Variants in TNIK observed in about 807,000 individuals in gnomAD.
TNIK encodes TRAF2 and NCK-interacting protein kinase.
A neutral mutation model predicts 191.3 loss-of-function variants in TNIK; 49 were observed. That is an observed-to-expected ratio of 0.26 (90% CI 0.20 to 0.32). The LOEUF (loss-of-function observed/expected upper bound fraction) is 0.32. Ranked by LOEUF, TNIK falls within the 10% of genes least tolerant of loss-of-function variation. TNIK has a pLI of 1.00. For missense variants in TNIK, 1,155 were observed against 1,702.3 expected (o/e 0.68, Z 5.66); for synonymous variants, 594 against 600.9 (o/e 0.99, Z 0.17).
intron 2 of TNIK, among the ~76,000 whole-genome samples, chr3:171,303,789 C>G (rs1753128177): frequency 1.3e-5 from 2 of 152,124 alleles, no homozygotes; most frequent in Non-Finnish European, 2.9e-5. Flanking sequence ...ATACATAGCC[C>G]CCTGACTCCA....
At chr3:171,384,919 C>T (rs1482831777) in intron 1 of TNIK, among the ~76,000 whole-genome samples, 1 of 152,172 alleles carries the variant, frequency 6.6e-6, no homozygotes, top group Non-Finnish European at 1.5e-5. Context: ...AGGCAGCCTG[C>T]TTGCCTCTCA....
At chr3:171,206,617 C>T (rs1441112951) in intron 4 of TNIK, among the ~76,000 whole-genome samples, 1 of 152,058 alleles carries the variant, frequency 6.6e-6, no homozygotes, top group Non-Finnish European at 1.5e-5. Context: ...GGGGCTTTCA[C>T]AGAACTTCCA....
At chr3:171,064,067 G>C in intron 32 of TNIK, 103 bp from the exon 33 acceptor site, 1 of 1,103,542 alleles carries the variant, frequency 9.1e-7, no homozygotes, top group Non-Finnish European at 1.3e-6. Flanking sequence ...CTTGCCATGT[G>C]TCAGGTCTTA....
intron 1 of TNIK, among the ~76,000 whole-genome samples, chr3:171,370,671 T>C: frequency 6.6e-6 from 1 of 152,112 alleles, no homozygotes; most frequent in East Asian, 1.9e-4. Flanking sequence ...CCGAGCCTCC[T>C]TGAGGGAGGT....
At chr3:171,138,989 A>G (rs1246270695) in intron 14 of TNIK, among the ~76,000 whole-genome samples, 5 of 152,232 alleles carry the variant, frequency 3.3e-5, no homozygotes, top group Non-Finnish European at 7.3e-5. Context: ...TGGAAGCTGC[A>G]TGAGCAAGGG....
In TNIK at chr3:171,159,904, G is replaced by A. The variant is rs1158236766; in HGVS notation, c.1016+1366C>T. ...ATAATGACATGTTATAATTACGGAA[G>A]TGTTAAGGTACGGCTGGGCTGGCTC... is the stretch of plus-strand genomic sequence containing the variant. On this transcript the variant is annotated intron_variant, in intron 11 of 32. Transcript: ENST00000436636. This position sits in a 1 kb window ranked among gnomAD's most constrained non-coding sequence, Gnocchi z 4.1. 2.0e-5 allele frequency among the ~76,000 whole-genome samples: 3 copies of A among 152,234 alleles called. No homozygotes were observed. Among genetic ancestry groups the A allele is most frequent in the East Asian group, 3.8e-4 (2 of 5,202 alleles).
chr3:171,198,972 C>G (rs937375338), intron 4 of TNIK, among the ~76,000 whole-genome samples: 4 of 152,120 alleles, frequency 2.6e-5, no homozygotes, highest in Non-Finnish European at 5.9e-5. Context: ...CTTTATTAGG[C>G]CATGTAATTA....
chr3:171,150,438 C>T (rs1040021962), intron 12 of TNIK, among the ~76,000 whole-genome samples: 9 of 152,112 alleles, frequency 5.9e-5, no homozygotes, highest in African/African-American at 1.9e-4. Flanking sequence ...AAGGGTCACT[C>T]GGAAGGTACT....
At chr3:171,417,696 T>G (rs1723266362) in intron 1 of TNIK, among the ~76,000 whole-genome samples, 2 of 152,222 alleles carry the variant, frequency 1.3e-5, no homozygotes, top group South Asian at 4.1e-4. Context: ...GATTGCTCAC[T>G]GAACTTCAAT....
At chr3:171,443,596 A>G (rs1372093001) in intron 1 of TNIK, among the ~76,000 whole-genome samples, 2 of 152,024 alleles carry the variant, frequency 1.3e-5, no homozygotes, top group Non-Finnish European at 2.9e-5. Flanking sequence ...CACTTTTGGG[A>G]GGCTGAGCCC....
chr3:171,443,575 T>C (rs1727106602), intron 1 of TNIK, among the ~76,000 whole-genome samples: 1 of 152,050 alleles, frequency 6.6e-6, no homozygotes, highest in African/African-American at 2.4e-5. Flanking sequence ...GGCTCCTACC[T>C]GTAATCCCAG....
chr3:171,449,560 T>A (rs1040515535), intron 1 of TNIK, among the ~76,000 whole-genome samples: 1 of 151,960 alleles, frequency 6.6e-6, no homozygotes, highest in African/African-American at 2.4e-5. Context: ...TACAATATTA[T>A]CTCCACTTTA....
At chr3:171,137,717 C>T (rs957558235) in intron 15 of TNIK, among the ~76,000 whole-genome samples, 3 of 152,316 alleles carry the variant, frequency 2.0e-5, no homozygotes, top group Admixed American at 6.5e-5. Flanking sequence ...CTGAGGTCAA[C>T]TGTGCATCTG....
Position 171,211,367 on chromosome 3 carries a change from A to G in TNIK, c.181-126T>C, listed in dbSNP as rs557182422. ...TTGTTGACAAATGAGCATAATTATT[A>G]CATATGAGGGCAAAGAACAATTCTA... On this transcript the variant is annotated intron_variant, in intron 3 of 32. Transcript: ENST00000436636. The G allele has an allele frequency of 1.3e-3, 1,470 of 1,110,410 alleles. 2 individuals are homozygous for G. Among genetic ancestry groups the G allele is most frequent in the Non-Finnish European group, 1.5e-3 (1,184 of 787,426 alleles). 68.8% of individuals were successfully genotyped at this position (1,110,410 alleles called of 1,614,324 possible).
chr3:171,285,575 C>T lies in TNIK; in HGVS notation c.124-57354G>A, dbSNP rs530885198. Among the ~76,000 whole-genome samples, 9 of 152,294 alleles carry T rather than the reference C, an allele frequency of 5.9e-5. No homozygotes were observed. In the South Asian group the frequency reaches 1.5e-3, roughly 25 times the overall value. On this transcript the variant is annotated intron_variant, in intron 2 of 32. Coordinates refer to ENST00000436636, the MANE Select transcript of TNIK (RefSeq NM_015028.4). ...GGCTGTGGCACAGTTTAAATGTGTT[C>T]ATGTGTGTACAGTGCCTGTAAGATG...
At chr3:171,335,917 T>C (rs1238502383) in intron 2 of TNIK, among the ~76,000 whole-genome samples, 1 of 152,200 alleles carries the variant, frequency 6.6e-6, no homozygotes, top group East Asian at 1.9e-4. Flanking sequence ...TTCCGGTTGC[T>C]TCATAACATT....
At chr3:171,249,374 TAAATGG>T (rs1745977460) in intron 2 of TNIK, among the ~76,000 whole-genome samples, 1 of 152,190 alleles carries the variant, frequency 6.6e-6, no homozygotes, top group East Asian at 1.9e-4. Flanking sequence ...TGTACAAATG[TAAATGG>T]AGTTGTCATT....
intron 3 of TNIK, among the ~76,000 whole-genome samples, chr3:171,213,375 G>A (rs925897001): frequency 6.6e-6 from 1 of 152,062 alleles, no homozygotes; most frequent in Non-Finnish European, 1.5e-5. Context: ...GCAACTACGT[G>A]AGGTAATAAA....
intron 2 of TNIK, among the ~76,000 whole-genome samples, chr3:171,293,215 A>G (rs992185063): frequency 3.9e-5 from 6 of 152,226 alleles, no homozygotes; most frequent in African/African-American, 1.4e-4. Flanking sequence ...TTTTATCTAT[A>G]TATCAAGAAT....
Sources: allele counts gnomAD v4.1 joint callset (sites outside exome capture counted in the v4.1 genomes callset), GRCh38; gene constraint gnomAD v4.1.1; non-coding constraint Gnocchi (gnomAD v3.1); transcripts MANE v1.5; gene names NCBI Gene and HGNC (gene_info 2026-07-23, HGNC 2026-07-21).